The following FER variants were observed in gnomAD, a reference collection of about 807,000 sequenced individuals.
FER encodes the protein FER tyrosine kinase.
A neutral mutation model predicts 111.0 loss-of-function variants in FER; 63 were observed. The observed-to-expected ratio is 0.57, with a 90% CI of 0.46 to 0.70. FER has a LOEUF of 0.70. FER is among the 30% of genes least tolerant of loss of function. The pLI is 0.00. For missense variants in FER, 914 were observed against 954.0 expected (o/e 0.96, Z 0.55); for synonymous variants, 327 against 313.9 (o/e 1.04, Z -0.44).
chr5:109,186,263 T>A lies in FER; in HGVS notation c.2267T>A (p.Leu756Ter). 1 of 1,614,060 alleles carries A rather than the reference T, an allele frequency of 6.2e-7. No homozygotes were observed. Among genetic ancestry groups the A allele is most frequent in the Non-Finnish European group, 8.5e-7 (1 of 1,179,972 alleles). Residue 756 changes from leucine to a stop codon, truncating the protein, a stop_gained, in exon 19 of 20, where the codon TTA becomes TAA. Coordinates refer to ENST00000281092, the MANE Select transcript of FER (RefSeq NM_005246.4). LOFTEE classifies it high-confidence loss of function. ...FGILLWETFSLGVCPYPGMTN... is the reference protein window; with the variant it reads ...FGILLWETFS ...ATCCTTCTCTGGGAGACCTTCAGCT[T>A]AGGGGTTTGTCCGTACCCTGGAATG...
intron 17 of FER, among the ~76,000 whole-genome samples, chr5:109,176,840 G>A (rs558127223): frequency 6.6e-6 from 1 of 152,200 alleles, no homozygotes; most frequent in African/African-American, 2.4e-5. Flanking sequence ...CTGCCAAGGA[G>A]TACACTTGGC....
intron 5 of FER, among the ~76,000 whole-genome samples, chr5:108,857,712 C>T (rs1763132830): frequency 6.6e-6 from 1 of 151,704 alleles, no homozygotes; most frequent in Admixed American, 6.6e-5. Context: ...AGGGCTTTCC[C>T]CTCCTGTTTA....
chr5:108,909,347 T>G (rs1052219818), intron 10 of FER, among the ~76,000 whole-genome samples: 2 of 152,212 alleles, frequency 1.3e-5, no homozygotes, highest in African/African-American at 4.8e-5. Context: ...GTTAATTTTT[T>G]AAATCATCGG....
chr5:109,067,637 G>C (rs1775273113), intron 16 of FER, among the ~76,000 whole-genome samples: 1 of 151,720 alleles, frequency 6.6e-6, no homozygotes, highest in African/African-American at 2.4e-5. Flanking sequence ...TTGATAATTA[G>C]TTTTCTAATC....
chr5:108,818,654 C>A (rs1230249693), intron 3 of FER, among the ~76,000 whole-genome samples: 1 of 151,930 alleles, frequency 6.6e-6, no homozygotes, highest in African/African-American at 2.4e-5. Flanking sequence ...TCTAATTATC[C>A]AGTGAGATAT....
intron 3 of FER, among the ~76,000 whole-genome samples, chr5:108,800,896 A>T (rs983564811): frequency 1.4e-4 from 22 of 151,770 alleles, no homozygotes; most frequent in African/African-American, 4.6e-4. Flanking sequence ...AATACAAAAA[A>T]ATTAGCCGGG....
intron 16 of FER, among the ~76,000 whole-genome samples, chr5:109,091,414 A>T (rs1196895460): frequency 1.3e-5 from 2 of 152,210 alleles, no homozygotes; most frequent in Non-Finnish European, 2.9e-5. Context: ...TGCTAACTGC[A>T]GGTATGCAGT....
intron 3 of FER, among the ~76,000 whole-genome samples, chr5:108,815,392 C>G (rs1377635244): frequency 6.6e-6 from 1 of 152,010 alleles, no homozygotes; most frequent in Non-Finnish European, 1.5e-5. Context: ...ATGTCAGCTT[C>G]TACTTAATCT....
At chr5:109,067,120 A>G (rs1351993553) in intron 16 of FER, among the ~76,000 whole-genome samples, 2 of 152,190 alleles carry the variant, frequency 1.3e-5, no homozygotes, top group African/African-American at 4.8e-5. Flanking sequence ...AGTGAGCCTT[A>G]GAGAGACTGA....
chr5:109,118,625 C>T (rs1401247500), intron 17 of FER, among the ~76,000 whole-genome samples: 2 of 152,266 alleles, frequency 1.3e-5, no homozygotes, highest in South Asian at 2.1e-4. Context: ...AGCTGTGAAT[C>T]CATCTGGTCC....
intron 10 of FER, among the ~76,000 whole-genome samples, chr5:108,928,301 C>CT (rs1754071227): frequency 6.6e-6 from 1 of 152,190 alleles, no homozygotes. Context: ...AGGCCTGGTA[C>CT]TTACCCTCCT....
At chr5:109,164,919 C>T (rs1307368232) in intron 17 of FER, among the ~76,000 whole-genome samples, 1 of 152,096 alleles carries the variant, frequency 6.6e-6, no homozygotes, top group East Asian at 1.9e-4. Context: ...ATTATGTAGT[C>T]GTAATTGTCT....
intron 4 of FER, among the ~76,000 whole-genome samples, chr5:108,833,741 G>C (rs1760295789): frequency 6.6e-6 from 1 of 151,974 alleles, no homozygotes; most frequent in Admixed American, 6.6e-5. Flanking sequence ...GGGCGTACTG[G>C]CGGGCGCCTG....
intron 13 of FER, among the ~76,000 whole-genome samples, chr5:108,971,408 T>C (rs530512018): frequency 6.6e-6 from 1 of 152,252 alleles, no homozygotes; most frequent in Non-Finnish European, 1.5e-5. Flanking sequence ...AATTTCCTTG[T>C]TGAGCTTAAA....
intron 5 of FER, among the ~76,000 whole-genome samples, chr5:108,850,045 A>T (rs544971168): frequency 2.0e-5 from 3 of 152,162 alleles, no homozygotes; most frequent in South Asian, 4.2e-4. Flanking sequence ...GCAAAAAAAA[A>T]TTAGCTGGGC....
At chr5:109,048,530 A>T (rs1380113472) in intron 16 of FER, among the ~76,000 whole-genome samples, 1 of 152,208 alleles carries the variant, frequency 6.6e-6, no homozygotes. Context: ...ATACCAGATG[A>T]CAAGTCCTAG....
At chr5:108,968,781 A>T (rs1169835002) in intron 13 of FER, among the ~76,000 whole-genome samples, 1 of 152,106 alleles carries the variant, frequency 6.6e-6, no homozygotes, top group African/African-American at 2.4e-5. Context: ...TGTTAATATA[A>T]TCAATACAAA....
At chr5:109,119,337 C>A (rs1750671259) in intron 17 of FER, among the ~76,000 whole-genome samples, 1 of 152,128 alleles carries the variant, frequency 6.6e-6, no homozygotes, top group African/African-American at 2.4e-5. Context: ...GTTTCTTAAT[C>A]CTGAGTTCTA....
At chr5:109,062,690 C>G (rs1490378123) in intron 16 of FER, among the ~76,000 whole-genome samples, 4 of 152,058 alleles carry the variant, frequency 2.6e-5, no homozygotes, top group Admixed American at 6.5e-5. Flanking sequence ...TACAATAACA[C>G]CTGTGCTGAC....
Sources: gnomAD v4.1 joint callset for allele counts (sites outside exome capture counted in the v4.1 genomes callset) on GRCh38, gnomAD v4.1.1 for gene constraint, MANE v1.5 for transcripts, NCBI Gene and HGNC (gene_info 2026-07-23, HGNC 2026-07-21) for gene names.